Variants in SCARB1 observed in about 807,000 individuals in gnomAD.
SCARB1 encodes CD36 and LIMPII analogous 1.
A neutral mutation model predicts 57.2 loss-of-function variants in SCARB1; 30 were observed. That is an observed-to-expected ratio of 0.52 (90% CI 0.39 to 0.71). SCARB1 has a LOEUF of 0.71. Among genes scored for constraint, SCARB1 ranks in the 30% least tolerant of loss-of-function variants. SCARB1 has a pLI of 0.00. For synonymous variants in SCARB1, 249 were observed against 268.3 expected, an observed-to-expected ratio of 0.93 and a Z score of 0.70; for missense variants, 543 against 671.2, an observed-to-expected ratio of 0.81 and a Z score of 2.11.
chr12:124,781,230 A>C (rs1184089521), intron 12 of SCARB1, among the ~76,000 whole-genome samples: 1 of 152,094 alleles, frequency 6.6e-6, no homozygotes, highest in Non-Finnish European at 1.5e-5. Flanking sequence ...TTTCTTTTTC[A>C]TCTCCTTGTC....
chr12:124,834,203 C>T (rs1164174906), intron 1 of SCARB1, among the ~76,000 whole-genome samples: 1 of 152,258 alleles, frequency 6.6e-6, no homozygotes, highest in African/African-American at 2.4e-5. Context: ...CAAAAGCAGG[C>T]CTCCCAAGCC....
At chr12:124,860,075 C>T (rs1161838777) in intron 1 of SCARB1, among the ~76,000 whole-genome samples, 2 of 151,778 alleles carry the variant, frequency 1.3e-5, no homozygotes, top group Non-Finnish European at 2.9e-5. Flanking sequence ...TTCAGCGTCC[C>T]GAATAGCTGG....
chr12:124,811,513 TC>T (rs1031384350), intron 5 of SCARB1, among the ~76,000 whole-genome samples: 3 of 151,918 alleles, frequency 2.0e-5, no homozygotes, highest in African/African-American at 4.8e-5. Flanking sequence ...CCTCAGGTGA[TC>T]CCCCCCACCT....
At chr12:124,792,625 G>A (rs1949772139) in intron 9 of SCARB1, among the ~76,000 whole-genome samples, 3 of 151,162 alleles carry the variant, frequency 2.0e-5, no homozygotes, top group Admixed American at 1.3e-4. Flanking sequence ...GAGAGGCTGA[G>A]GCAGGAGAAT....
chr12:124,799,516 G>A (rs957883546), intron 8 of SCARB1, among the ~76,000 whole-genome samples: 1 of 152,084 alleles, frequency 6.6e-6, no homozygotes, highest in African/African-American at 2.4e-5. Context: ...AACCGAGTGA[G>A]ACCCTGTCTC....
At position 124,818,823 on chromosome 12, in the gene SCARB1, AGTTTTT is replaced by A. The variant is rs930780577; in HGVS notation, c.127-1122_127-1117del. On this transcript the variant is annotated intron_variant, in intron 1 of 12. Coordinates refer to ENST00000261693, the MANE Select transcript of SCARB1 (RefSeq NM_005505.5). ...ACCATACCTGGTTAATTTTTGTTTT[AGTTTTT>A]GTTTTTGTTTTAGTAGAAGTGGGGT... Among the ~76,000 whole-genome samples the A allele has an allele frequency of 6.6e-5, 10 of 151,790 alleles. 1 individual carries two copies. Among genetic ancestry groups the A allele is most frequent in the African/African-American group, 2.4e-4 (10 of 41,394 alleles).
intron 1 of SCARB1, chr12:124,839,542 C>G (rs1034213995): frequency 6.2e-5 from 56 of 896,084 alleles, no homozygotes; most frequent in Middle Eastern, 5.7e-4. Context: ...CAAGTTCCCA[C>G]TTCCATTTCT....
chr12:124,859,537 G>A (rs11057868), intron 1 of SCARB1, among the ~76,000 whole-genome samples: 6 of 151,188 alleles, frequency 4.0e-5, no homozygotes, highest in South Asian at 2.1e-4. Flanking sequence ...TCTCAAAAAA[G>A]AAAAAAAAAA....
Position 124,817,758 on chromosome 12 carries a change from C to G in SCARB1, c.127-51G>C. 1 of 1,600,344 alleles carries G rather than the reference C, an allele frequency of 6.2e-7. No individual in the cohort carries two copies. Among genetic ancestry groups the G allele is most frequent in the Non-Finnish European group, 8.6e-7 (1 of 1,167,958 alleles). ...TGTGAGGAGAGTGATGAGGGCCCCA[C>G]GCCCCACCACAAGGCTCCGGAACAG... On this transcript the variant is annotated intron_variant, in intron 1 of 12. Coordinates refer to ENST00000261693, the MANE Select transcript of SCARB1 (RefSeq NM_005505.5). This position sits in a 1 kb window ranked among gnomAD's most constrained non-coding sequence, Gnocchi z 4.8.
In SCARB1 at chr12:124,810,414, G is replaced by A. The variant is rs1407233291; in HGVS notation, c.727-125C>T. 1.7e-5 allele frequency: 12 copies of A among 709,444 alleles called. No homozygotes were observed. Among genetic ancestry groups the A allele is most frequent in the Non-Finnish European group, 2.3e-5 (9 of 389,136 alleles). 43.9% of individuals were successfully genotyped at this position (709,444 alleles called of 1,614,324 possible). On this transcript the variant is annotated intron_variant, in intron 5 of 12. Coordinates refer to ENST00000261693, the MANE Select transcript of SCARB1 (RefSeq NM_005505.5). This position sits in a 1 kb window ranked among gnomAD's most constrained non-coding sequence, Gnocchi z 4.0. ...GCCACTCAATTCCCAATACTGGCACGGTGGGAAGAGGGCAGGCTATGTAGA... is the reference window on the plus strand; with the variant it reads ...GCCACTCAATTCCCAATACTGGCACAGTGGGAAGAGGGCAGGCTATGTAGA...
intron 9 of SCARB1, among the ~76,000 whole-genome samples, chr12:124,790,414 T>G (rs2135556777): frequency 6.6e-6 from 1 of 151,334 alleles, no homozygotes; most frequent in South Asian, 2.1e-4. Context: ...CAGGGAGGGC[T>G]AGGATTAAGG....
At chr12:124,861,895 T>C (rs6488946) in intron 1 of SCARB1, among the ~76,000 whole-genome samples, 148,829 of 151,918 alleles carry the variant, frequency 0.98, 72,966 homozygotes, top group East Asian at 1. Context: ...CACACACACA[T>C]CCTACTGACA....
At chr12:124,791,608 G>C (rs895463833) in intron 9 of SCARB1, among the ~76,000 whole-genome samples, 1 of 152,192 alleles carries the variant, frequency 6.6e-6, no homozygotes, top group African/African-American at 2.4e-5. Context: ...CAGTAGGGAG[G>C]GGAGATGGAA....
chr12:124,814,088 A>G lies in SCARB1; in HGVS notation c.630+114T>C. Reference sequence around the variant, plus strand: ...AGGTTCTCAGTCACTTACAACCCACAGCCACTAGATCCCCAGCCAGCTACA... The same window carrying G: ...AGGTTCTCAGTCACTTACAACCCACGGCCACTAGATCCCCAGCCAGCTACA... On this transcript the variant is annotated intron_variant, in intron 4 of 12. Coordinates refer to ENST00000261693, the MANE Select transcript of SCARB1 (RefSeq NM_005505.5). This position sits in a 1 kb window ranked among gnomAD's most constrained non-coding sequence, Gnocchi z 4.7. 1 of 976,004 alleles carries G rather than the reference A, an allele frequency of 1.0e-6. No homozygotes were observed. The highest frequency in any genetic ancestry group is 1.6e-5 in the African/African-American group (1 of 62,578). The allele number at this position is 976,004 out of a possible 1,614,324, so 60.5% of individuals were successfully genotyped here.
rs749365287 is a variant in SCARB1, at chr12:124,811,928, G to A, written c.668C>T (p.Thr223Met). Residue 223 changes from threonine to methionine, a missense_variant, in exon 5 of 13, where the codon ACG (threonine) becomes ATG (methionine). Coordinates refer to ENST00000261693, the MANE Select transcript of SCARB1 (RefSeq NM_005505.5). ...GATCCTGCTGATGTTCTGGACCCCC[G>A]TGAACACCGTGAAGAGCCCAGAGTC... ...NSDSGLFTVFTGVQNISRIHL... is the reference protein window; with the variant it reads ...NSDSGLFTVFMGVQNISRIHL... 1.9e-5 allele frequency: 30 copies of A among 1,613,016 alleles called. 1 individual carries two copies. Among genetic ancestry groups the A allele is most frequent in the African/African-American group, 5.3e-5 (4 of 74,810 alleles).
At chr12:124,779,467 G>A (rs756725168) in intron 12 of SCARB1, among the ~76,000 whole-genome samples, 1 of 152,068 alleles carries the variant, frequency 6.6e-6, no homozygotes, top group African/African-American at 2.4e-5. Context: ...GGGTATGCGG[G>A]GCGCAGGACG....
intron 8 of SCARB1, among the ~76,000 whole-genome samples, chr12:124,799,634 A>G (rs1415170839): frequency 1.3e-5 from 2 of 152,302 alleles, no homozygotes; most frequent in African/African-American, 4.8e-5. Flanking sequence ...CACCAAGACC[A>G]ACTGGGCATA....
chr12:124,863,470 GGC>G, intron 1 of SCARB1, 123 bp downstream of exon 1: 2 of 1,004,048 alleles, frequency 2.0e-6, no homozygotes, highest in East Asian at 6.1e-5. Flanking sequence ...CGTGCTCTGC[GGC>G]GCCAGGCCCG....
chr12:124,831,057 C>A (rs1011201051), intron 1 of SCARB1, among the ~76,000 whole-genome samples: 2 of 151,634 alleles, frequency 1.3e-5, no homozygotes, highest in East Asian at 3.9e-4. Context: ...CTCACTGCAA[C>A]CTCTGCCTCC....
Sources: gnomAD v4.1 joint callset for allele counts (sites outside exome capture counted in the v4.1 genomes callset) on GRCh38, gnomAD v4.1.1 for gene constraint, Gnocchi (gnomAD v3.1) non-coding constraint, MANE v1.5 for transcripts, NCBI Gene and HGNC (gene_info 2026-07-23, HGNC 2026-07-21) for gene names.